The following GALNTL6 variants were observed in gnomAD, a reference collection of about 807,000 sequenced individuals.
GALNTL6 encodes the protein polypeptide N-acetylgalactosaminyltransferase like 6, also known as polypeptide N-acetylgalactosaminyltransferase-like 6.
Under a neutral mutation model 73.7 loss-of-function variants are expected in GALNTL6, and 46 were observed. The ratio of observed to expected loss-of-function variants is 0.62; its 90% CI spans 0.49 to 0.80. The LOEUF (loss-of-function observed/expected upper bound fraction) is 0.80, where lower values mean the gene tolerates loss of function less well. GALNTL6 is among the 30% of genes least tolerant of loss of function. The pLI is 0.00. For missense variants in GALNTL6, 604 were observed against 755.0 expected (o/e 0.80, Z 2.34); for synonymous variants, 259 against 263.7 (o/e 0.98, Z 0.17).
At chr4:172,651,229 A>G (rs1244184342) in intron 5 of GALNTL6, among the ~76,000 whole-genome samples, 3 of 152,322 alleles carry the variant, frequency 2.0e-5, no homozygotes, top group Middle Eastern at 3.4e-3. Flanking sequence ...TACAGTGAGA[A>G]AAGACAACAA....
intron 2 of GALNTL6, among the ~76,000 whole-genome samples, chr4:172,073,705 A>T (rs1731622017): frequency 1.3e-5 from 2 of 152,252 alleles, no homozygotes; most frequent in Non-Finnish European, 2.9e-5. Context: ...TAAGTACAGG[A>T]TAATCCATTG....
chr4:172,081,975 C>G (rs575800802), intron 2 of GALNTL6, among the ~76,000 whole-genome samples: 6 of 151,748 alleles, frequency 4.0e-5, no homozygotes, highest in African/African-American at 1.2e-4. Flanking sequence ...CTCCCAGGCT[C>G]AAGCTATTCT....
intron 2 of GALNTL6, among the ~76,000 whole-genome samples, chr4:171,948,403 G>A (rs1179125390): frequency 1.3e-5 from 2 of 152,210 alleles, no homozygotes; most frequent in East Asian, 1.9e-4. Context: ...GGCCCTGGGT[G>A]TAAATGTATA....
chr4:172,138,664 C>T lies in GALNTL6; in HGVS notation c.139-90992C>T, dbSNP rs1054982222. On this transcript the variant is annotated intron_variant, in intron 2 of 12. Transcript: ENST00000506823. The stretch of plus-strand genomic sequence containing the variant: ...CCTGCCTCAGCCTCCCGAGTAGCTG[C>T]GACTACAGGTGCCTGCCACCACGCC... Among the ~76,000 whole-genome samples, 249 of 147,346 alleles carry T rather than the reference C, an allele frequency of 1.7e-3. 2 individuals are homozygous for T. The highest frequency in any genetic ancestry group is 6.0e-3 in the African/African-American group (240 of 40,178).
chr4:171,814,973 A>G lies in GALNTL6; in HGVS notation c.138+255A>G, dbSNP rs769577032. On this transcript the variant is annotated intron_variant, in intron 2 of 12. Coordinates refer to ENST00000506823, the MANE Select transcript of GALNTL6 (RefSeq NM_001034845.3). ...GAAGAAGAGAAGATAATCTTTCACCATTGGTCTTAGGTTGATTTTGACTTG... is the reference window on the plus strand; with the variant it reads ...GAAGAAGAGAAGATAATCTTTCACCGTTGGTCTTAGGTTGATTTTGACTTG... 7.2e-6 allele frequency: 4 copies of G among 558,736 alleles called. No individual in the cohort carries two copies. In the African/African-American group the frequency reaches 7.5e-5, roughly 10 times the overall value. 34.6% of individuals were successfully genotyped at this position (558,736 alleles called of 1,614,324 possible). A position where few individuals can be genotyped will look rare whatever the true frequency, so the allele number is the denominator to read the frequency against.
At chr4:172,994,274 T>C (rs886446045) in intron 10 of GALNTL6, among the ~76,000 whole-genome samples, 1 of 152,220 alleles carries the variant, frequency 6.6e-6, no homozygotes, top group East Asian at 1.9e-4. Context: ...CAGTTTTGCA[T>C]GAATTTTCCT....
intron 5 of GALNTL6, among the ~76,000 whole-genome samples, chr4:172,458,647 T>TA (rs1193968596): frequency 6.6e-6 from 1 of 152,092 alleles, no homozygotes; most frequent in Non-Finnish European, 1.5e-5. Flanking sequence ...CCTGGACACA[T>TA]ACACCCTCCC....
intron 2 of GALNTL6, among the ~76,000 whole-genome samples, chr4:172,106,967 G>A (rs540871988): frequency 2.6e-5 from 4 of 152,154 alleles, no homozygotes; most frequent in African/African-American, 7.2e-5. Flanking sequence ...TTTGCCTCCC[G>A]GGTTCAAGCG....
In GALNTL6 at chr4:172,669,692, T is replaced by C. The variant is rs977137719; in HGVS notation, c.554-139669T>C. On this transcript the variant is annotated intron_variant, in intron 5 of 12. Coordinates refer to ENST00000506823, the MANE Select transcript of GALNTL6 (RefSeq NM_001034845.3). Reference sequence around the variant, plus strand: ...TTTTTTAACTTTTATTTTAAGTTCATGGGTACATTGCAGGTTTATTATATA... The same window carrying C: ...TTTTTTAACTTTTATTTTAAGTTCACGGGTACATTGCAGGTTTATTATATA... 3.3e-5 allele frequency among the ~76,000 whole-genome samples: 5 copies of C among 152,320 alleles called. No individual in the cohort carries two copies. In the Middle Eastern group the frequency reaches 0.01, roughly 311 times the overall value.
At chr4:171,821,711 A>G (rs1453267742) in intron 2 of GALNTL6, among the ~76,000 whole-genome samples, 1 of 151,498 alleles carries the variant, frequency 6.6e-6, no homozygotes, top group Non-Finnish European at 1.5e-5. Context: ...GCCTTTACCA[A>G]GGTAATTAGT....
chr4:172,838,209 C>G (rs1476843583), intron 7 of GALNTL6, among the ~76,000 whole-genome samples: 5 of 152,192 alleles, frequency 3.3e-5, no homozygotes, highest in South Asian at 2.1e-4. Flanking sequence ...CCACACTGCA[C>G]TTGTGATCCA....
intron 5 of GALNTL6, chr4:172,425,325 TAGTG>T (rs1466450214): frequency 6.6e-6 from 1 of 152,086 alleles, no homozygotes; most frequent in African/African-American, 2.4e-5. Context: ...AAGTTCAACA[TAGTG>T]AGTAACTTAA....
chr4:172,283,880 CT>C (rs1168963719), intron 3 of GALNTL6, among the ~76,000 whole-genome samples: 4 of 152,096 alleles, frequency 2.6e-5, no homozygotes, highest in Admixed American at 2.6e-4. Flanking sequence ...AATGTCTGCA[CT>C]TCATTTTTAT....
intron 3 of GALNTL6, among the ~76,000 whole-genome samples, chr4:172,244,470 A>G (rs896277785): frequency 6.6e-6 from 1 of 152,198 alleles, no homozygotes; most frequent in East Asian, 1.9e-4. Context: ...TGCAAAACTC[A>G]TAATATCTCT....
intron 8 of GALNTL6, among the ~76,000 whole-genome samples, chr4:172,907,613 G>A (rs564295273): frequency 7.5e-4 from 114 of 152,284 alleles, no homozygotes; most frequent in Non-Finnish European, 1.4e-3. Context: ...ACCCCAAATG[G>A]ATGCCTGAAA....
chr4:173,000,408 A>G (rs1373983353), intron 10 of GALNTL6, among the ~76,000 whole-genome samples: 1 of 152,226 alleles, frequency 6.6e-6, no homozygotes, highest in Non-Finnish European at 1.5e-5. Flanking sequence ...AAGAAATTGC[A>G]TATCTAAATA....
intron 2 of GALNTL6, among the ~76,000 whole-genome samples, chr4:171,933,848 G>A (rs987880909): frequency 6.6e-6 from 1 of 152,016 alleles, no homozygotes; most frequent in Admixed American, 6.6e-5. Flanking sequence ...AGTTACTCAA[G>A]ATTAGACAGC....
At position 172,968,212 on chromosome 4, in the gene GALNTL6, G is replaced by A. The variant is rs149331581; in HGVS notation, c.1371+15954G>A. ...TGGGGCCAGGAGAGATGAAGAATTG[G>A]TAGAAAAGAAAAAGGGGAGTACTGC... On this transcript the variant is annotated intron_variant, in intron 10 of 12. Transcript: ENST00000506823. 4.7e-4 allele frequency among the ~76,000 whole-genome samples: 72 copies of A among 152,208 alleles called. No homozygotes were observed. The Middle Eastern group carries it at 0.01, about 22-fold the overall frequency.
chr4:172,835,854 C>A (rs183091550), intron 7 of GALNTL6, among the ~76,000 whole-genome samples: 2 of 152,158 alleles, frequency 1.3e-5, no homozygotes, highest in African/African-American at 4.8e-5. Context: ...TACATTACTG[C>A]GGTTTGAACA....
Sources: gnomAD v4.1 joint callset for allele counts (sites outside exome capture counted in the v4.1 genomes callset) on GRCh38, gnomAD v4.1.1 for gene constraint, MANE v1.5 for transcripts, NCBI Gene and HGNC (gene_info 2026-07-23, HGNC 2026-07-21) for gene names.